KIAA0513: variants seen among roughly 807,000 people sequenced by gnomAD.
KIAA0513 encodes KIAA0513.
In KIAA0513, 39 loss-of-function variants were observed where a neutral mutation model predicts 56.5. That is an observed-to-expected ratio of 0.69 (90% CI 0.53 to 0.90). The LOEUF is 0.90. Among genes scored for constraint, KIAA0513 ranks in the 40% least tolerant of loss-of-function variants. The pLI is 0.00. For synonymous variants in KIAA0513, 268 were observed against 215.6 expected (o/e 1.24, Z -2.13); for missense variants, 591 against 535.2 (o/e 1.10, Z -1.03).
Position 85,066,889 on chromosome 16 carries a change from T to C in KIAA0513, c.-172-11T>C. 1.9e-6 allele frequency: 1 copy of C among 526,866 alleles called. No homozygotes were observed. Among genetic ancestry groups the C allele is most frequent in the Non-Finnish European group, 3.3e-6 (1 of 298,770 alleles). 32.6% of individuals were successfully genotyped at this position (526,866 alleles called of 1,614,324 possible). On this transcript the variant is annotated splice_polypyrimidine_tract_variant and intron_variant, in intron 1 of 12. Transcript: ENST00000683363. Reference sequence around the variant, plus strand: ...GTGGCGCTAATGTCTGTGTCTGTGTTTCCATTCTAGATGCCGTAGGGCCAG... The same window carrying C: ...GTGGCGCTAATGTCTGTGTCTGTGTCTCCATTCTAGATGCCGTAGGGCCAG...
In KIAA0513 at chr16:85,077,523, G is replaced by A. The variant is rs773410545; in HGVS notation, c.673G>A (p.Asp225Asn). The A allele has an allele frequency of 6.2e-7, 1 of 1,614,204 alleles. No homozygotes were observed. Among genetic ancestry groups the A allele is most frequent in the South Asian group, 1.1e-5 (1 of 91,082 alleles). Residue 225 changes from aspartate to asparagine, a missense_variant, in exon 6 of 13, where the codon GAC becomes AAC. By Grantham distance (23) the Asp-to-Asn change is conservative. Transcript: ENST00000683363. ...SANSWLAEKK[D>N]IAERLLKNTS... Reference sequence around the variant, plus strand: ...AAACAGCTGGCTGGCCGAAAAGAAGGACATCGCCGAGCGGCTGCTGAAGAA... The same window carrying A: ...AAACAGCTGGCTGGCCGAAAAGAAGAACATCGCCGAGCGGCTGCTGAAGAA...
chr16:85,075,721 C>T (rs948807674), intron 4 of KIAA0513, 123 bp from the exon 5 acceptor site: 6 of 770,564 alleles, frequency 7.8e-6, no homozygotes, highest in Non-Finnish European at 9.0e-6. Context: ...TTGTTTTGTG[C>T]ATCTCCAGTG....
rs147190588 is a variant in KIAA0513, at chr16:85,091,357, G to C, written c.*3032G>C. ...TAGATTGCATCTGCCCTGTGCATGCGCATGTTTAACCACAGGCCAGAGAAC... is the reference window on the plus strand; with the variant it reads ...TAGATTGCATCTGCCCTGTGCATGCCCATGTTTAACCACAGGCCAGAGAAC... On this transcript the variant is annotated 3_prime_UTR_variant, in exon 13 of 13. Transcript: ENST00000683363. 6.6e-6 allele frequency: 1 copy of C among 152,140 alleles called. No individual in the cohort carries two copies. Among genetic ancestry groups the C allele is most frequent in the Non-Finnish European group, 1.5e-5 (1 of 68,044 alleles). The allele number at this position is 152,140 out of a possible 1,614,324, so 9.4% of individuals were successfully genotyped here.
At chr16:85,066,361 ATGT>A (rs1444292064) in intron 1 of KIAA0513, among the ~76,000 whole-genome samples, 1 of 152,144 alleles carries the variant, frequency 6.6e-6, no homozygotes, top group Non-Finnish European at 1.5e-5. Flanking sequence ...CAGATGGCAA[ATGT>A]TGTGCTTAGC....
intron 7 of KIAA0513, 28 bp downstream of exon 7, chr16:85,078,483 A>G (rs778755377): frequency 2.5e-6 from 4 of 1,609,898 alleles, no homozygotes; most frequent in Non-Finnish European, 3.4e-6. Flanking sequence ...GCAGCAGGAG[A>G]CGCCCAGCCC....
At chr16:85,075,771 G>C in intron 4 of KIAA0513, 73 bp from the exon 5 acceptor site, 1 of 1,330,576 alleles carries the variant, frequency 7.5e-7, no homozygotes, top group Non-Finnish European at 1.1e-6. Flanking sequence ...AAGTGTCTCA[G>C]TGATGTCTGA....
At position 85,049,950 on chromosome 16, in the gene KIAA0513, G is replaced by C. The variant is rs1414760337; in HGVS notation, c.-172-16950G>C. ...TTTGCCAAATTACTTAAGAGTGGAA[G>C]GCCAAGTCGGTCTCTGTCCGAGTTG... is the stretch of plus-strand genomic sequence containing the variant. On this transcript the variant is annotated intron_variant, in intron 1 of 12. Transcript: ENST00000683363. 2.0e-5 allele frequency among the ~76,000 whole-genome samples: 3 copies of C among 152,162 alleles called. No individual in the cohort carries two copies. The East Asian group carries it at 5.8e-4, about 29-fold the overall frequency.
chr16:85,059,116 A>G (rs551683044), intron 1 of KIAA0513, among the ~76,000 whole-genome samples: 1 of 152,370 alleles, frequency 6.6e-6, no homozygotes, highest in Non-Finnish European at 1.5e-5. Context: ...TGGACCAACT[A>G]TTAGACCAAC....
At chr16:85,057,751 C>T (rs1597613457) in intron 1 of KIAA0513, among the ~76,000 whole-genome samples, 1 of 151,250 alleles carries the variant, frequency 6.6e-6, no homozygotes, top group Admixed American at 6.6e-5. Flanking sequence ...GGAGAGGCTG[C>T]CTCTGCTTTT....
In KIAA0513 at chr16:85,076,820, A is replaced by T. The variant is rs1395786245; in HGVS notation, c.575-605A>T. On this transcript the variant is annotated intron_variant, in intron 5 of 12. Coordinates refer to ENST00000683363, the MANE Select transcript of KIAA0513 (RefSeq NM_001388359.1). This position sits in a 1 kb window ranked among gnomAD's most constrained non-coding sequence, Gnocchi z 4.7. ...TCCTTTTTGAAGAACGGATAGACAC[A>T]TAATGAATAGACACTGCTTCCTGAG... is the stretch of plus-strand genomic sequence containing the variant. Among the ~76,000 whole-genome samples the T allele has an allele frequency of 1.3e-5, 2 of 152,184 alleles. No individual in the cohort carries two copies. The highest frequency in any genetic ancestry group is 2.9e-5 in the Non-Finnish European group (2 of 68,018).
chr16:85,038,916 A>G (rs2073070574), intron 1 of KIAA0513, among the ~76,000 whole-genome samples: 1 of 152,186 alleles, frequency 6.6e-6, no homozygotes. Flanking sequence ...CAAGGGCCGC[A>G]TGTGGCCAGC....
intron 8 of KIAA0513, among the ~76,000 whole-genome samples, chr16:85,080,630 A>C (rs575400805): frequency 6.6e-6 from 1 of 152,036 alleles, no homozygotes; most frequent in South Asian, 2.1e-4. Context: ...CCCCATCTCT[A>C]CTAAAAATAC....
chr16:85,087,263 T>C, intron 12 of KIAA0513, 97 bp downstream of exon 12: 2 of 980,124 alleles, frequency 2.0e-6, no homozygotes, highest in South Asian at 2.6e-5. Context: ...AGAAGGCATG[T>C]CGTGTTGCAG....
intron 2 of KIAA0513, among the ~76,000 whole-genome samples, chr16:85,068,197 C>A (rs999214157): frequency 2.0e-5 from 3 of 151,858 alleles, no homozygotes; most frequent in African/African-American, 7.3e-5. Context: ...CACACTGTTG[C>A]CCAGGCTGGA....
chr16:85,081,500 C>G lies in KIAA0513; in HGVS notation c.980+108C>G. 1.0e-6 allele frequency: 1 copy of G among 1,000,494 alleles called. No homozygotes were observed. The highest frequency in any genetic ancestry group is 1.5e-6 in the Non-Finnish European group (1 of 649,640). The allele number at this position is 1,000,494 out of a possible 1,614,324, so 62.0% of individuals were successfully genotyped here. On this transcript the variant is annotated intron_variant, in intron 9 of 12. Transcript: ENST00000683363. The surrounding 1 kb of genome is among the most constrained non-coding windows in gnomAD (Gnocchi z 4.4). ...CAGAAGAGCAGCTGAGTGGACGTGT[C>G]TGTTTTTTCTTCACCCCCTCATGGC...
intron 2 of KIAA0513, among the ~76,000 whole-genome samples, chr16:85,071,562 C>T (rs1038930919): frequency 2.0e-5 from 3 of 152,104 alleles, no homozygotes; most frequent in Admixed American, 6.6e-5. Flanking sequence ...ACTCTCAAGC[C>T]GGCGTGTGAT....
chr16:85,087,271 C>T (rs1461020190), intron 12 of KIAA0513, 105 bp downstream of exon 12: 6 of 895,570 alleles, frequency 6.7e-6, no homozygotes, highest in East Asian at 4.9e-5. Context: ...TGTCGTGTTG[C>T]AGTCGGAAAC....
At chr16:85,049,101 G>A (rs1018744278) in intron 1 of KIAA0513, among the ~76,000 whole-genome samples, 9 of 152,364 alleles carry the variant, frequency 5.9e-5, no homozygotes, top group African/African-American at 1.4e-4. Flanking sequence ...TTAGCTCCCT[G>A]CCAAACTGCG....
intron 4 of KIAA0513, among the ~76,000 whole-genome samples, chr16:85,073,552 A>C (rs938039618): frequency 1.3e-5 from 2 of 152,158 alleles, no homozygotes; most frequent in Non-Finnish European, 2.9e-5. Context: ...CACCTGTGAG[A>C]TTAGGGAGCC....
Sources: gnomAD v4.1 joint callset for allele counts (sites outside exome capture counted in the v4.1 genomes callset) on GRCh38, gnomAD v4.1.1 for gene constraint, Gnocchi (gnomAD v3.1) non-coding constraint, MANE v1.5 for transcripts, NCBI Gene and HGNC (gene_info 2026-07-23, HGNC 2026-07-21) for gene names.